VOPP1: variants seen among roughly 807,000 people sequenced by gnomAD.
VOPP1 encodes WW domain binding protein VOPP1.
A neutral mutation model predicts 23.5 loss-of-function variants in VOPP1; 8 were observed. The observed-to-expected ratio is 0.34, with a 90% CI of 0.20 to 0.61. The LOEUF (loss-of-function observed/expected upper bound fraction) is 0.61. Ranked by LOEUF, VOPP1 falls within the 20% of genes least tolerant of loss-of-function variation. The pLI is 0.78. For synonymous variants in VOPP1, 83 were observed against 97.3 expected, an observed-to-expected ratio of 0.85 and a Z score of 0.86; for missense variants, 174 against 238.1, an observed-to-expected ratio of 0.73 and a Z score of 1.77.
At chr7:55,509,298 A>T (rs985946977) in intron 2 of VOPP1, among the ~76,000 whole-genome samples, 4 of 152,194 alleles carry the variant, frequency 2.6e-5, no homozygotes, top group African/African-American at 4.8e-5. Context: ...ATTTATAAAC[A>T]ACAGAAATTG....
At chr7:55,518,680 C>T (rs1263640189) in intron 2 of VOPP1, among the ~76,000 whole-genome samples, 8 of 152,158 alleles carry the variant, frequency 5.3e-5, no homozygotes, top group African/African-American at 9.7e-5. Flanking sequence ...CAAGGATGGC[C>T]GCTGTGTGCC....
At chr7:55,512,915 GGCA>G (rs1795176834) in intron 2 of VOPP1, among the ~76,000 whole-genome samples, 1 of 152,250 alleles carries the variant, frequency 6.6e-6, no homozygotes, top group Non-Finnish European at 1.5e-5. Context: ...GCCCCTAGCA[GGCA>G]GGTAAAGTGG....
intron 1 of VOPP1, among the ~76,000 whole-genome samples, chr7:55,554,762 A>C (rs1797745827): frequency 6.6e-6 from 1 of 152,336 alleles, no homozygotes. Flanking sequence ...CTGGGTCGAT[A>C]GGGGCTGGAG....
intron 1 of VOPP1, among the ~76,000 whole-genome samples, chr7:55,561,095 T>C (rs573312778): frequency 3.3e-5 from 5 of 152,110 alleles, no homozygotes; most frequent in African/African-American, 1.2e-4. Context: ...GAGATGCACA[T>C]GCACAGCTTC....
intron 1 of VOPP1, among the ~76,000 whole-genome samples, chr7:55,539,001 A>C (rs1470256419): frequency 8.2e-6 from 1 of 122,612 alleles, no homozygotes; most frequent in African/African-American, 3.1e-5. Context: ...TGGGGAGGGA[A>C]AGGTTTCATT....
rs142842800 is a variant in VOPP1 at position 55,456,611 on chromosome 7, T to C, written n.418-20437A>G. Among the ~76,000 whole-genome samples the C allele has an allele frequency of 1.4e-4, 21 of 152,322 alleles. No individual in the cohort carries two copies. The East Asian group carries it at 3.9e-3, about 28-fold the overall frequency. ...GGCACATATACACCATGTAATACTA[T>C]GCAGCCATAAAAAAAGGATGAGTTC... On this transcript the variant is annotated intron_variant and non_coding_transcript_variant, in intron 4 of 4. Transcript: ENST00000462326.
At chr7:55,486,849 G>C (rs1793180067) in intron 4 of VOPP1, among the ~76,000 whole-genome samples, 1 of 152,184 alleles carries the variant, frequency 6.6e-6, no homozygotes, top group South Asian at 2.1e-4. Context: ...GGCAGGCAAT[G>C]AGTGTGAGAC....
At chr7:55,467,332 G>C (rs1040158481), downstream of VOPP1, among the ~76,000 whole-genome samples, 1 of 152,224 alleles carries the variant, frequency 6.6e-6, no homozygotes, top group African/African-American at 2.4e-5. Flanking sequence ...GAGGGAGTCA[G>C]GCAGGAGACC....
Position 55,561,923 on chromosome 7 carries a change from C to G in VOPP1, c.54+10348G>C, listed in dbSNP as rs770368911. 5.7e-6 allele frequency: 4 copies of G among 702,392 alleles called. No homozygotes were observed. The African/African-American group carries it at 7.0e-5, about 12-fold the overall frequency. 43.5% of individuals were successfully genotyped at this position (702,392 alleles called of 1,614,324 possible). On this transcript the variant is annotated intron_variant, in intron 1 of 4. Coordinates refer to ENST00000285279, the MANE Select transcript of VOPP1 (RefSeq NM_030796.5). ...TCTTCAAGTATGGTGGGAGTTGAAA[C>G]GGCAGTCAAAGGAATGGGAAAACAG...
At chr7:55,527,063 A>G (rs936983462) in intron 1 of VOPP1, 2 of 152,294 alleles carry the variant, frequency 1.3e-5, no homozygotes, top group African/African-American at 4.8e-5. Flanking sequence ...GCTCAGGACC[A>G]GGGACAGAAG....
chr7:55,510,292 A>G (rs1211319305), intron 2 of VOPP1, among the ~76,000 whole-genome samples: 1 of 152,188 alleles, frequency 6.6e-6, no homozygotes, highest in Non-Finnish European at 1.5e-5. Context: ...GCCTCAGTAA[A>G]TTCACTTAAT....
At chr7:55,450,067 TAAAG>T (rs1203702429) in intron 4 of VOPP1, among the ~76,000 whole-genome samples, 4 of 152,174 alleles carry the variant, frequency 2.6e-5, no homozygotes, top group African/African-American at 7.2e-5. Flanking sequence ...AGGATGGTAA[TAAAG>T]AAAAAGACGA....
chr7:55,568,935 C>A (rs1032983562), intron 1 of VOPP1, among the ~76,000 whole-genome samples: 36 of 152,152 alleles, frequency 2.4e-4, no homozygotes, highest in Admixed American at 2.0e-3. Context: ...GCTGGCGGAA[C>A]AAAGGCATAG....
chr7:55,506,607 G>A (rs1158501810), intron 2 of VOPP1, among the ~76,000 whole-genome samples: 1 of 151,702 alleles, frequency 6.6e-6, no homozygotes, highest in African/African-American at 2.4e-5. Flanking sequence ...AAAGTGCTGG[G>A]ATTACATGCA....
At chr7:55,553,474 A>G (rs1464616998) in intron 1 of VOPP1, among the ~76,000 whole-genome samples, 1 of 152,186 alleles carries the variant, frequency 6.6e-6, no homozygotes, top group Non-Finnish European at 1.5e-5. Flanking sequence ...TTCATTTACC[A>G]TAAAATAAAT....
intron 2 of VOPP1, among the ~76,000 whole-genome samples, chr7:55,510,444 T>C (rs1345576439): frequency 6.6e-6 from 1 of 152,190 alleles, no homozygotes; most frequent in Non-Finnish European, 1.5e-5. Context: ...TAAAACTTAT[T>C]TAATCCTAAA....
intron 1 of VOPP1, among the ~76,000 whole-genome samples, chr7:55,527,570 G>A (rs1052223106): frequency 2.0e-5 from 3 of 152,154 alleles, no homozygotes; most frequent in African/African-American, 4.8e-5. Context: ...ACCTGCTTTC[G>A]TGTTCAGCAG....
At chr7:55,446,603 C>A (rs776194353) in intron 4 of VOPP1, among the ~76,000 whole-genome samples, 21 of 152,164 alleles carry the variant, frequency 1.4e-4, no homozygotes, top group Non-Finnish European at 2.1e-4. Context: ...TCAAAACTTG[C>A]CCAGGGTCAC....
intron 4 of VOPP1, among the ~76,000 whole-genome samples, chr7:55,478,443 T>C (rs1792436151): frequency 6.6e-6 from 1 of 152,070 alleles, no homozygotes; most frequent in South Asian, 2.1e-4. Flanking sequence ...GCAATGACTC[T>C]AGCCAAAAAA....
Sources: allele counts gnomAD v4.1 joint callset (sites outside exome capture counted in the v4.1 genomes callset), GRCh38; gene constraint gnomAD v4.1.1; transcripts MANE v1.5; gene names NCBI Gene and HGNC (gene_info 2026-07-23, HGNC 2026-07-21).